CNTN5: variants seen among roughly 807,000 people sequenced by gnomAD.
The protein encoded by CNTN5 is contactin-5.
CNTN5 carries 77 observed loss-of-function variants against 129.1 expected under a neutral mutation model. The observed-to-expected ratio is 0.60, with a 90% CI of 0.50 to 0.72. CNTN5 has a LOEUF of 0.72. Among genes scored for constraint, CNTN5 ranks in the 30% least tolerant of loss-of-function variants. The pLI, the probability that CNTN5 is intolerant of heterozygous loss-of-function variation, is 0.00. For synonymous variants in CNTN5, 509 were observed against 465.6 expected, an observed-to-expected ratio of 1.09 and a Z score of -1.20; for missense variants, 1,478 against 1,328.8, an observed-to-expected ratio of 1.11 and a Z score of -1.75.
intron 1 of CNTN5, among the ~76,000 whole-genome samples, chr11:99,114,855 T>A (rs150289207): frequency 6.6e-6 from 1 of 152,164 alleles, no homozygotes; most frequent in African/African-American, 2.4e-5. Flanking sequence ...GACTAAACAT[T>A]TGTATCTCCC....
At chr11:99,155,864 C>A (rs1372539381) in intron 1 of CNTN5, among the ~76,000 whole-genome samples, 1 of 151,980 alleles carries the variant, frequency 6.6e-6, no homozygotes, top group Non-Finnish European at 1.5e-5. Context: ...GCAGACATAA[C>A]CTGGTCATCA....
intron 1 of CNTN5, among the ~76,000 whole-genome samples, chr11:99,049,142 T>C (rs1297618952): frequency 6.6e-6 from 1 of 152,124 alleles, no homozygotes; most frequent in Non-Finnish European, 1.5e-5. Context: ...CAAAATTCAG[T>C]GCTTCCATTT....
chr11:99,754,032 C>G (rs1418274591), intron 3 of CNTN5, among the ~76,000 whole-genome samples: 1 of 148,972 alleles, frequency 6.7e-6, no homozygotes, highest in African/African-American at 2.6e-5. Context: ...AAAAAAACAC[C>G]TTCTGATACA....
chr11:99,997,297 T>A (rs1247598243), intron 8 of CNTN5, among the ~76,000 whole-genome samples: 2 of 152,224 alleles, frequency 1.3e-5, no homozygotes, highest in East Asian at 3.9e-4. Flanking sequence ...ATGTGTTTGC[T>A]CTTGCTTTTC....
intron 3 of CNTN5, among the ~76,000 whole-genome samples, chr11:99,680,652 C>T (rs1480615443): frequency 6.6e-6 from 1 of 151,804 alleles, no homozygotes; most frequent in East Asian, 2.0e-4. Flanking sequence ...TATTACACAA[C>T]ATCCATTCCA....
chr11:99,499,531 C>T (rs571042296), intron 2 of CNTN5, among the ~76,000 whole-genome samples: 29 of 152,184 alleles, frequency 1.9e-4, no homozygotes, highest in South Asian at 4.2e-4. Context: ...TCCAGAACCA[C>T]GAGAAATCAA....
At chr11:100,279,018 G>T (rs1489531400) in intron 18 of CNTN5, among the ~76,000 whole-genome samples, 1 of 151,898 alleles carries the variant, frequency 6.6e-6, no homozygotes, top group Non-Finnish European at 1.5e-5. Flanking sequence ...ATGAAGAGAT[G>T]CTAAATTTTA....
chr11:99,885,274 C>T (rs1266494229), intron 6 of CNTN5, among the ~76,000 whole-genome samples: 1 of 151,710 alleles, frequency 6.6e-6, no homozygotes, highest in Non-Finnish European at 1.5e-5. Flanking sequence ...AGGGCAAGAT[C>T]CTGTCTCAAA....
intron 4 of CNTN5, among the ~76,000 whole-genome samples, chr11:99,841,589 G>T (rs1389719206): frequency 6.6e-6 from 1 of 151,294 alleles, no homozygotes; most frequent in African/African-American, 2.4e-5. Flanking sequence ...AAAAGGGGAG[G>T]AGGAGGAAAA....
intron 3 of CNTN5, among the ~76,000 whole-genome samples, chr11:99,592,424 A>G (rs1950005889): frequency 6.6e-6 from 1 of 152,196 alleles, no homozygotes. Flanking sequence ...AAGTTAAAGA[A>G]ATGATCTAAA....
At chr11:99,491,524 ACT>A (rs1309214956) in intron 2 of CNTN5, among the ~76,000 whole-genome samples, 5 of 152,202 alleles carry the variant, frequency 3.3e-5, no homozygotes, top group African/African-American at 1.2e-4. Flanking sequence ...CAAGGTGGAT[ACT>A]GACAGTTAAG....
intron 2 of CNTN5, among the ~76,000 whole-genome samples, chr11:99,346,600 G>T (rs1937896422): frequency 1.3e-5 from 2 of 152,232 alleles, no homozygotes; most frequent in African/African-American, 2.4e-5. Flanking sequence ...CCAGAGCAGG[G>T]TGCACTTGTG....
At chr11:99,773,181 GC>G (rs1945003071) in intron 3 of CNTN5, among the ~76,000 whole-genome samples, 1 of 152,004 alleles carries the variant, frequency 6.6e-6, no homozygotes, top group South Asian at 2.1e-4. Flanking sequence ...ATTTTAATTT[GC>G]GTTCAAGTAG....
chr11:99,371,530 G>A (rs1254793797), intron 2 of CNTN5, among the ~76,000 whole-genome samples: 1 of 152,046 alleles, frequency 6.6e-6, no homozygotes, highest in Non-Finnish European at 1.5e-5. Flanking sequence ...GTAATCTGGA[G>A]TAAGGACTAG....
intron 20 of CNTN5, among the ~76,000 whole-genome samples, chr11:100,307,809 G>T (rs1444848990): frequency 1.3e-5 from 2 of 151,600 alleles, no homozygotes; most frequent in East Asian, 3.9e-4. Flanking sequence ...TTTTGTGAAT[G>T]AACATTTTTA....
At chr11:100,057,164 A>C (rs1049117637) in intron 9 of CNTN5, among the ~76,000 whole-genome samples, 8 of 149,118 alleles carry the variant, frequency 5.4e-5, no homozygotes, top group African/African-American at 2.0e-4. Context: ...TTCAGCTCAA[A>C]AAGTTAAAGT....
chr11:100,161,872 C>CAAAACAA (rs375181774), intron 13 of CNTN5, among the ~76,000 whole-genome samples: 1 of 127,620 alleles, frequency 7.8e-6, no homozygotes, highest in Non-Finnish European at 1.7e-5. Flanking sequence ...CACACACACA[C>CAAAACAA]AAAACAAAAA....
At chr11:99,328,847 G>C (rs1288271491) in intron 2 of CNTN5, among the ~76,000 whole-genome samples, 1 of 119,598 alleles carries the variant, frequency 8.4e-6, no homozygotes, top group Non-Finnish European at 1.7e-5. Context: ...TCCAGCCTGG[G>C]CAACAAGAAC....
intron 15 of CNTN5, among the ~76,000 whole-genome samples, chr11:100,199,284 G>T (rs1345061971): frequency 6.6e-6 from 1 of 151,790 alleles, no homozygotes; most frequent in East Asian, 1.9e-4. Context: ...CATGTAAATG[G>T]TCCCATGGAC....
Sources: allele counts gnomAD v4.1 joint callset (sites outside exome capture counted in the v4.1 genomes callset), GRCh38; gene constraint gnomAD v4.1.1; transcripts MANE v1.5; gene names NCBI Gene and HGNC (gene_info 2026-07-23, HGNC 2026-07-21).